PLD5: variants seen among roughly 807,000 people sequenced by gnomAD.
PLD5 encodes the protein phospholipase D family member 5.
PLD5 carries 36 observed loss-of-function variants against 61.1 expected under a neutral mutation model. The ratio of observed to expected loss-of-function variants is 0.59; its 90% confidence interval spans 0.45 to 0.78. The LOEUF (loss-of-function observed/expected upper bound fraction) is 0.78, where lower values mean the gene tolerates loss of function less well. PLD5 is among the 30% of genes least tolerant of loss of function. The pLI, the probability that PLD5 is intolerant of heterozygous loss-of-function variation, is 0.00. For synonymous variants in PLD5, 243 were observed against 242.8 expected (o/e 1.00, Z -0.01); for missense variants, 515 against 644.4 (o/e 0.80, Z 2.17).
At chr1:242,278,231 A>C (rs1674521808) in intron 3 of PLD5, among the ~76,000 whole-genome samples, 1 of 152,196 alleles carries the variant, frequency 6.6e-6, no homozygotes, top group African/African-American at 2.4e-5. Flanking sequence ...GAAAAATAGG[A>C]AAAACACAAA....
chr1:242,086,093 C>T lies in PLD5; in HGVS notation c.*3761G>A, dbSNP rs991593099. 1 of 152,046 alleles carries T rather than the reference C, an allele frequency of 6.6e-6. No individual in the cohort carries two copies. The highest frequency in any genetic ancestry group is 1.5e-5 in the Non-Finnish European group (1 of 68,032). The allele number at this position is 152,046 out of a possible 1,614,324, so 9.4% of individuals were successfully genotyped here. The stretch of plus-strand genomic sequence containing the variant: ...CCCAGGTTCATCGAGGCACTTAAAC[C>T]ATTAACTGCATTTCAAAAAAAATCC... On this transcript the variant is annotated 3_prime_UTR_variant, in exon 10 of 10. Transcript: ENST00000536534.
chr1:242,438,225 G>A (rs1019129421), intron 1 of PLD5, among the ~76,000 whole-genome samples: 2 of 151,804 alleles, frequency 1.3e-5, no homozygotes, highest in African/African-American at 4.8e-5. Flanking sequence ...CAGGGATGGC[G>A]TGACAGCATG....
At chr1:242,356,276 T>C (rs1289367503) in intron 1 of PLD5, among the ~76,000 whole-genome samples, 3 of 152,234 alleles carry the variant, frequency 2.0e-5, no homozygotes, top group East Asian at 3.9e-4. Flanking sequence ...ATATAATTGT[T>C]ATATCCTATT....
chr1:242,380,959 ATTAG>A (rs1662242373), intron 1 of PLD5, among the ~76,000 whole-genome samples: 3 of 152,236 alleles, frequency 2.0e-5, no homozygotes, highest in Admixed American at 2.0e-4. Flanking sequence ...GGGAATATAA[ATTAG>A]TTCAACCATT....
At chr1:242,201,542 G>T (rs1668988930) in intron 5 of PLD5, among the ~76,000 whole-genome samples, 1 of 152,050 alleles carries the variant, frequency 6.6e-6, no homozygotes, top group South Asian at 2.1e-4. Flanking sequence ...TATTTATTTA[G>T]ATGGGGTCTC....
chr1:242,122,971 C>T (rs1191954110), intron 6 of PLD5, among the ~76,000 whole-genome samples: 1 of 152,184 alleles, frequency 6.6e-6, no homozygotes, highest in Non-Finnish European at 1.5e-5. Flanking sequence ...GGGAGCATTA[C>T]TTAGAGAAGT....
intron 4 of PLD5, among the ~76,000 whole-genome samples, chr1:242,236,540 A>T (rs1380603109): frequency 6.7e-6 from 1 of 149,730 alleles, no homozygotes; most frequent in Non-Finnish European, 1.5e-5. Context: ...TGAAAAAAAT[A>T]ATAAAAACAA....
At position 242,207,878 on chromosome 1, in the gene PLD5, T is replaced by TTATATTTA. The variant is rs1163604827; in HGVS notation, c.735+12109_735+12110insTAAATATA. On this transcript the variant is annotated intron_variant, in intron 5 of 9. Coordinates refer to ENST00000536534, the MANE Select transcript of PLD5 (RefSeq NM_001372062.1). ...TATATATTTATATATTTATATATAT[T>TTATATTTA]TATATATTTATATATATTTATATAT... 7.5e-3 allele frequency among the ~76,000 whole-genome samples: 129 copies of TTATATTTA among 17,158 alleles called. 22 individuals are homozygous for TTATATTTA. In the Middle Eastern group the frequency reaches 0.12, roughly 16 times the overall value. 11.3% of individuals were successfully genotyped at this position (17,158 alleles called of 152,430 possible).
At chr1:242,221,999 T>G (rs1670621113) in intron 4 of PLD5, among the ~76,000 whole-genome samples, 1 of 152,152 alleles carries the variant, frequency 6.6e-6, no homozygotes, top group Non-Finnish European at 1.5e-5. Context: ...AGGGCCAAAC[T>G]TCCTCTGGGA....
chr1:242,438,439 CTTTTTTTT>C (rs1171422837), intron 1 of PLD5, among the ~76,000 whole-genome samples: 3 of 120,540 alleles, frequency 2.5e-5, no homozygotes, highest in East Asian at 5.3e-4. Flanking sequence ...AATTTTTTTT[CTTTTTTTT>C]TTTTTTTTTT....
chr1:242,472,344 C>G (rs1667470748), intron 1 of PLD5, among the ~76,000 whole-genome samples: 1 of 152,216 alleles, frequency 6.6e-6, no homozygotes. Context: ...TTGAACATGT[C>G]TGAATGACCA....
At chr1:242,231,947 AAAAAAGAAAG>A (rs1189286691) in intron 4 of PLD5, among the ~76,000 whole-genome samples, 2 of 151,510 alleles carry the variant, frequency 1.3e-5, no homozygotes, top group South Asian at 2.1e-4. Flanking sequence ...AGGAAAAAAA[AAAAAAGAAAG>A]AAAAAGAAAA....
intron 2 of PLD5, among the ~76,000 whole-genome samples, chr1:242,319,171 C>T (rs1362372699): frequency 2.6e-5 from 4 of 152,022 alleles, no homozygotes; most frequent in Admixed American, 1.3e-4. Context: ...GAAGACAATA[C>T]TGAATCACCC....
At chr1:242,246,205 CA>C (rs909392978) in intron 4 of PLD5, among the ~76,000 whole-genome samples, 5 of 151,182 alleles carry the variant, frequency 3.3e-5, no homozygotes, top group African/African-American at 1.2e-4. Context: ...CCATCTCTAC[CA>C]AAAAAAATAC....
intron 1 of PLD5, among the ~76,000 whole-genome samples, chr1:242,402,560 T>A (rs1179069595): frequency 6.6e-6 from 1 of 152,218 alleles, no homozygotes; most frequent in Non-Finnish European, 1.5e-5. Flanking sequence ...GTTAGCTTAT[T>A]ATTCAGCTGG....
rs116833590 is a variant in PLD5 at position 242,101,270 on chromosome 1, C to G, written c.1240-488G>C. 1.0e-2 allele frequency among the ~76,000 whole-genome samples: 1,516 copies of G among 151,726 alleles called. 20 individuals carry two copies. Among genetic ancestry groups the G allele is most frequent in the African/African-American group, 0.035 (1,458 of 41,292 alleles). ...AACATAGGAACAAATACTTTTCTGT[C>G]TGAACACCTAAGTCTAGGAGCTCTT... On this transcript the variant is annotated intron_variant, in intron 8 of 9. Transcript: ENST00000536534.
At chr1:242,348,855 C>T (rs370523481) in intron 1 of PLD5, among the ~76,000 whole-genome samples, 11 of 152,236 alleles carry the variant, frequency 7.2e-5, no homozygotes, top group Middle Eastern at 3.4e-3. Flanking sequence ...GAGATCAAGA[C>T]CGTCCTGGCT....
At chr1:242,259,316 C>CTCTCTCAA (rs1447501196) in intron 4 of PLD5, among the ~76,000 whole-genome samples, 3 of 151,638 alleles carry the variant, frequency 2.0e-5, no homozygotes, top group Admixed American at 2.0e-4. Flanking sequence ...CCCTCTCTCT[C>CTCTCTCAA]TCTCTCTCTC....
rs145962605 is a variant in PLD5, at chr1:242,256,839, T to C, written c.607+8498A>G. On this transcript the variant is annotated intron_variant, in intron 4 of 9. Coordinates refer to ENST00000536534, the MANE Select transcript of PLD5 (RefSeq NM_001372062.1). The surrounding 1 kb of genome is among the most constrained non-coding windows in gnomAD (Gnocchi z 5.7). ...ATGTATCTGTCATCTATTTCTTTCT[T>C]TCTGTGTATCTGCCATCTATCTTCC... is the stretch of plus-strand genomic sequence containing the variant. 5.7e-3 allele frequency among the ~76,000 whole-genome samples: 865 copies of C among 151,796 alleles called. 6 individuals carry two copies. The highest frequency in any genetic ancestry group is 0.019 in the African/African-American group (806 of 41,342).
Sources: allele counts gnomAD v4.1 joint callset (sites outside exome capture counted in the v4.1 genomes callset), GRCh38; gene constraint gnomAD v4.1.1; non-coding constraint Gnocchi (gnomAD v3.1); transcripts MANE v1.5; gene names NCBI Gene and HGNC (gene_info 2026-07-23, HGNC 2026-07-21).